BTBD9: variants seen among roughly 807,000 people sequenced by gnomAD.
BTBD9 encodes the protein BTB domain containing 9.
Under a neutral mutation model 64.3 loss-of-function variants are expected in BTBD9, and 49 were observed. The ratio of observed to expected loss-of-function variants is 0.76; its 90% CI spans 0.61 to 0.97. The LOEUF is 0.97. Ranked by LOEUF, BTBD9 falls within the 50% of genes least tolerant of loss-of-function variation. The pLI, the probability that BTBD9 is intolerant of heterozygous loss-of-function variation, is 0.00. For missense variants in BTBD9, 598 were observed against 762.1 expected (o/e 0.78, Z 2.53); for synonymous variants, 260 against 274.7 (o/e 0.95, Z 0.53).
At position 38,197,581 on chromosome 6, in the gene BTBD9, G is replaced by A. The variant is rs927645677; in HGVS notation, c.1563-4984C>T. On this transcript the variant is annotated intron_variant, in intron 9 of 10. Transcript: ENST00000481247. ...CCATCCGCTAAAGTCTCCGTTTCCC[G>A]TGTGAAGTAGGGGTGATAACAGTAC... 3.9e-5 allele frequency among the ~76,000 whole-genome samples: 6 copies of A among 152,186 alleles called. No homozygotes were observed. The East Asian group carries it at 9.6e-4, about 24-fold the overall frequency.
At chr6:38,321,673 G>A (rs932846914) in intron 7 of BTBD9, among the ~76,000 whole-genome samples, 14 of 152,020 alleles carry the variant, frequency 9.2e-5, no homozygotes, top group African/African-American at 3.4e-4. Flanking sequence ...GAACTCCTTA[G>A]ACAAGAAAAT....
intron 4 of BTBD9, among the ~76,000 whole-genome samples, chr6:38,589,390 G>C (rs1301517407): frequency 6.6e-6 from 1 of 152,174 alleles, no homozygotes; most frequent in Admixed American, 6.5e-5. Context: ...TCCAGTTCTA[G>C]GGCCTTTTCA....
chr6:38,273,379 C>T (rs1466225637), intron 8 of BTBD9, among the ~76,000 whole-genome samples: 1 of 152,164 alleles, frequency 6.6e-6, no homozygotes, highest in Non-Finnish European at 1.5e-5. Context: ...GAGATGGCTA[C>T]TAAGTGACTC....
At chr6:38,424,771 C>A (rs1238812752) in intron 6 of BTBD9, among the ~76,000 whole-genome samples, 1 of 151,926 alleles carries the variant, frequency 6.6e-6, no homozygotes, top group African/African-American at 2.4e-5. Flanking sequence ...CCTGCCTCAG[C>A]CTCCCAAAGG....
intron 8 of BTBD9, among the ~76,000 whole-genome samples, chr6:38,285,191 T>C (rs971839732): frequency 4.0e-5 from 6 of 151,542 alleles, no homozygotes; most frequent in African/African-American, 1.5e-4. Context: ...CCAATGGAGG[T>C]CTGGAAGATT....
At chr6:38,272,719 C>A (rs1357016610) in intron 8 of BTBD9, among the ~76,000 whole-genome samples, 1 of 152,128 alleles carries the variant, frequency 6.6e-6, no homozygotes, top group Non-Finnish European at 1.5e-5. Flanking sequence ...ACCACCAATT[C>A]TCAAACAATT....
At chr6:38,415,175 C>T (rs1415595647) in intron 6 of BTBD9, among the ~76,000 whole-genome samples, 1 of 152,108 alleles carries the variant, frequency 6.6e-6, no homozygotes, top group Non-Finnish European at 1.5e-5. Context: ...CCATATCCTA[C>T]TCCCCAAAAT....
At chr6:38,206,895 A>G (rs1393588575) in intron 9 of BTBD9, among the ~76,000 whole-genome samples, 1 of 152,212 alleles carries the variant, frequency 6.6e-6, no homozygotes, top group Non-Finnish European at 1.5e-5. Context: ...TCAAAATCTA[A>G]AAGTCTGACC....
At chr6:38,579,802 T>TA (rs1183727711) in intron 5 of BTBD9, among the ~76,000 whole-genome samples, 3 of 152,248 alleles carry the variant, frequency 2.0e-5, no homozygotes, top group Non-Finnish European at 4.4e-5. Flanking sequence ...TGTATTAATT[T>TA]AAAAGTAAAA....
intron 8 of BTBD9, among the ~76,000 whole-genome samples, chr6:38,285,741 T>A (rs756999311): frequency 5.9e-5 from 9 of 152,032 alleles, no homozygotes; most frequent in Non-Finnish European, 1.0e-4. Context: ...TGATTTCAAG[T>A]CTCCTGACTC....
chr6:38,255,885 G>A lies in BTBD9; in HGVS notation c.1562+524C>T, dbSNP rs369735867. ...GAACAATGAGAACACTTGGACATACGGTGGGGAACATCACACACACTGGGG... is the reference window on the plus strand; with the variant it reads ...GAACAATGAGAACACTTGGACATACAGTGGGGAACATCACACACACTGGGG... On this transcript the variant is annotated intron_variant, in intron 9 of 10. Transcript: ENST00000481247. Among the ~76,000 whole-genome samples the A allele has an allele frequency of 2.6e-4, 40 of 152,164 alleles. No homozygotes were observed. In the East Asian group the frequency reaches 5.2e-3, roughly 20 times the overall value.
At chr6:38,437,864 G>A (rs1467540138) in intron 6 of BTBD9, among the ~76,000 whole-genome samples, 1 of 151,942 alleles carries the variant, frequency 6.6e-6, no homozygotes, top group Admixed American at 6.6e-5. Context: ...GGTGGGGAAT[G>A]GGAAAACAAA....
rs76117604 is a variant in BTBD9 at position 38,227,428 on chromosome 6, G to A, written c.1562+28981C>T. Among the ~76,000 whole-genome samples the A allele has an allele frequency of 4.5e-3, 680 of 152,252 alleles. 3 individuals carry two copies. Among genetic ancestry groups the A allele is most frequent in the African/African-American group, 0.016 (651 of 41,538 alleles). ...TAAACAATGAACCTCTCAAAAATAG[G>A]AGAATAAAGAGGCACACAATGAGGT... On this transcript the variant is annotated intron_variant, in intron 9 of 10. Coordinates refer to ENST00000481247, the MANE Select transcript of BTBD9 (RefSeq NM_001099272.2).
chr6:38,375,472 T>C (rs1028056951), intron 6 of BTBD9, among the ~76,000 whole-genome samples: 1 of 152,146 alleles, frequency 6.6e-6, no homozygotes, highest in Non-Finnish European at 1.5e-5. Context: ...ATTGCATCCA[T>C]TAACTACAGA....
intron 9 of BTBD9, among the ~76,000 whole-genome samples, chr6:38,203,318 T>C (rs1384209398): frequency 1.3e-5 from 2 of 152,110 alleles, no homozygotes; most frequent in Non-Finnish European, 1.5e-5. Context: ...TTTTTAAAAA[T>C]CTAAAAGTAC....
At chr6:38,263,203 G>A (rs549364886) in intron 8 of BTBD9, among the ~76,000 whole-genome samples, 16 of 152,094 alleles carry the variant, frequency 1.1e-4, no homozygotes, top group Non-Finnish European at 2.1e-4. Flanking sequence ...AGAAATAATT[G>A]TCTTCCATTC....
intron 9 of BTBD9, among the ~76,000 whole-genome samples, chr6:38,230,102 T>C (rs772830607): frequency 6.6e-6 from 1 of 152,226 alleles, no homozygotes; most frequent in Non-Finnish European, 1.5e-5. Flanking sequence ...TCATCTCTCA[T>C]CTGTGTTAGA....
intron 6 of BTBD9, among the ~76,000 whole-genome samples, chr6:38,400,344 C>T (rs563544829): frequency 3.3e-5 from 5 of 152,124 alleles, no homozygotes; most frequent in Non-Finnish European, 7.4e-5. Flanking sequence ...GTTTATATAC[C>T]CACGTTCCAC....
chr6:38,355,906 C>T (rs932674514), intron 6 of BTBD9, among the ~76,000 whole-genome samples: 3 of 152,092 alleles, frequency 2.0e-5, no homozygotes, highest in Non-Finnish European at 4.4e-5. Context: ...ATTTTTAAGA[C>T]GTGGTCTGAA....
Sources: allele counts gnomAD v4.1 joint callset (sites outside exome capture counted in the v4.1 genomes callset), GRCh38; gene constraint gnomAD v4.1.1; transcripts MANE v1.5; gene names NCBI Gene and HGNC (gene_info 2026-07-23, HGNC 2026-07-21).